Variants in PCDHGB5 observed in about 807,000 individuals in gnomAD.
PCDHGB5 encodes protocadherin gamma-B5.
A neutral mutation model predicts 62.9 loss-of-function variants in PCDHGB5; 48 were observed. The ratio of observed to expected loss-of-function variants is 0.76; its 90% CI spans 0.61 to 0.97. The LOEUF (loss-of-function observed/expected upper bound fraction) is 0.97, where lower values mean the gene tolerates loss of function less well. Among genes scored for constraint, PCDHGB5 ranks in the 50% least tolerant of loss-of-function variants. The pLI is 0.00. For missense variants in PCDHGB5, 1,118 were observed against 1,198.6 expected (o/e 0.93, Z 0.99); for synonymous variants, 474 against 511.2 (o/e 0.93, Z 0.98).
At chr5:141,419,170 C>T (rs758796140) in intron 1 of PCDHGB5, 4 of 1,613,966 alleles carry the variant, frequency 2.5e-6, no homozygotes, top group Non-Finnish European at 3.4e-6. Context: ...CCAGCAAAAC[C>T]ATAACCCTGC....
intron 1 of PCDHGB5, chr5:141,409,804 C>T (rs766279863): frequency 6.2e-7 from 1 of 1,611,772 alleles, no homozygotes; most frequent in South Asian, 1.1e-5. Context: ...CGCTGCAGGC[C>T]CGCGACCACG....
intron 1 of PCDHGB5, chr5:141,404,498 G>A (rs1237860716): frequency 6.2e-7 from 1 of 1,613,878 alleles, no homozygotes; most frequent in East Asian, 2.2e-5. Context: ...TGTGCTGTAT[G>A]CTCTGTGCTC....
rs1185020546 is a variant in PCDHGB5, at chr5:141,485,472, C to A, written c.2398-9335C>A. 3 of 1,614,138 alleles carry A rather than the reference C, an allele frequency of 1.9e-6. No homozygotes were observed. Among genetic ancestry groups the A allele is most frequent in the Non-Finnish European group, 2.5e-6 (3 of 1,180,022 alleles). On this transcript the variant is annotated intron_variant, in intron 1 of 3. Transcript: ENST00000617380. The surrounding 1 kb of genome is among the most constrained non-coding windows in gnomAD (Gnocchi z 5.7). The stretch of plus-strand genomic sequence containing the variant: ...CGAGAGGCACTGTGTGGGCTCAGTG[C>A]CAGCTGCATCGTGCCCCTGGAGTTT...
Position 141,490,440 on chromosome 5 carries a change from T to G in PCDHGB5, c.2398-4367T>G, listed in dbSNP as rs560525159. The G allele has an allele frequency of 6.2e-7, 1 of 1,614,206 alleles. No individual in the cohort carries two copies. The highest frequency in any genetic ancestry group is 1.7e-5 in the Admixed American group (1 of 60,026). On this transcript the variant is annotated intron_variant, in intron 1 of 3. Transcript: ENST00000617380. This position sits in a 1 kb window ranked among gnomAD's most constrained non-coding sequence, Gnocchi z 5.4. ...ACCTGCCATTTCAGATTAAGCCTTCTGAGAACCACTACTCGCTGCTAACCA... is the reference window on the plus strand; with the variant it reads ...ACCTGCCATTTCAGATTAAGCCTTCGGAGAACCACTACTCGCTGCTAACCA...
At chr5:141,404,811 G>A (rs2094571358) in intron 1 of PCDHGB5, 1 of 1,606,238 alleles carries the variant, frequency 6.2e-7, no homozygotes, top group African/African-American at 1.4e-5. Flanking sequence ...TTCTCGGTGG[G>A]GCTGCACACA....
chr5:141,510,223 G>C (rs944276162), intron 3 of PCDHGB5, among the ~76,000 whole-genome samples: 1 of 151,302 alleles, frequency 6.6e-6, no homozygotes, highest in African/African-American at 2.4e-5. Context: ...CAGTGAGCCG[G>C]GATCGCGCCA....
At chr5:141,423,119 G>T (rs769320490) in intron 1 of PCDHGB5, 2 of 1,613,774 alleles carry the variant, frequency 1.2e-6, no homozygotes, top group Non-Finnish European at 1.7e-6. Context: ...CGTACAGCGC[G>T]GGCACTGCTG....
intron 1 of PCDHGB5, chr5:141,417,843 G>C: frequency 6.5e-7 from 1 of 1,539,250 alleles, no homozygotes; most frequent in Non-Finnish European, 8.8e-7. Context: ...GGGACCCAGC[G>C]AGAACCCGAG....
rs2097383894 is a variant in PCDHGB5, at chr5:141,431,489, C to T, written c.2397+30965C>T. On this transcript the variant is annotated intron_variant, in intron 1 of 3. Transcript: ENST00000617380. This position sits in a 1 kb window ranked among gnomAD's most constrained non-coding sequence, Gnocchi z 4.8. ...GAACGACAACGCACCAGCGTTTGCTCAGCCCGAGTACCGCGCGAGCGTTCC... is the reference window on the plus strand; with the variant it reads ...GAACGACAACGCACCAGCGTTTGCTTAGCCCGAGTACCGCGCGAGCGTTCC... The T allele has an allele frequency of 1.2e-6, 2 of 1,613,850 alleles. No homozygotes were observed. The highest frequency in any genetic ancestry group is 3.3e-5 in the Admixed American group (2 of 60,016).
At chr5:141,414,802 G>C (rs201378410) in intron 1 of PCDHGB5, 3 of 1,614,108 alleles carry the variant, frequency 1.9e-6, no homozygotes, top group Admixed American at 3.3e-5. Flanking sequence ...CGACAGCGGG[G>C]ATCCTCCACT....
At chr5:141,459,930 T>C (rs1385764489) in intron 1 of PCDHGB5, among the ~76,000 whole-genome samples, 1 of 152,176 alleles carries the variant, frequency 6.6e-6, no homozygotes, top group East Asian at 1.9e-4. Context: ...TATATCCTTG[T>C]AGCTGGGCGT....
chr5:141,488,186 G>T (rs1005725656), intron 1 of PCDHGB5, among the ~76,000 whole-genome samples: 2 of 152,180 alleles, frequency 1.3e-5, no homozygotes, highest in South Asian at 2.1e-4. Context: ...AGATCTTTTG[G>T]TCTGGGTCTT....
intron 1 of PCDHGB5, among the ~76,000 whole-genome samples, chr5:141,434,630 A>G (rs2097706465): frequency 6.6e-6 from 1 of 152,106 alleles, no homozygotes; most frequent in African/African-American, 2.4e-5. Flanking sequence ...CGTTTCCCAT[A>G]AGGGATACTT....
At chr5:141,418,308 T>G in intron 1 of PCDHGB5, 6 of 1,613,946 alleles carry the variant, frequency 3.7e-6, no homozygotes, top group Non-Finnish European at 5.1e-6. Flanking sequence ...AGCCTGGGGA[T>G]GGGAACAATT....
At position 141,477,795 on chromosome 5, in the gene PCDHGB5, G is replaced by T. The variant is rs778851755; in HGVS notation, c.2398-17012G>T. The T allele has an allele frequency of 1.2e-5, 19 of 1,613,946 alleles. 1 individual carries two copies. In the South Asian group the frequency reaches 1.6e-4, roughly 14 times the overall value. On this transcript the variant is annotated intron_variant, in intron 1 of 3. Transcript: ENST00000617380. The surrounding 1 kb of genome is among the most constrained non-coding windows in gnomAD (Gnocchi z 4.9). ...AGCGTGAACATATTTGTCACTGATC[G>T]CAATGACAATGCCCCCCAGGTCCTA...
In PCDHGB5 at chr5:141,410,525, T is replaced by G. The variant is rs6891442; in HGVS notation, c.2397+10001T>G. The G allele has an allele frequency of 1.9e-3, 3,112 of 1,613,920 alleles. 62 individuals are homozygous for G. In the African/African-American group the frequency reaches 0.034, roughly 18 times the overall value. On this transcript the variant is annotated intron_variant, in intron 1 of 3. Transcript: ENST00000617380. ...CCTAAAATGCAGTGTGCCCCTACAT[T>G]CCAATGAAGACATGGTTTGCAGTGT...
intron 3 of PCDHGB5, among the ~76,000 whole-genome samples, chr5:141,507,784 T>C (rs2099863290): frequency 6.6e-6 from 1 of 152,136 alleles, no homozygotes; most frequent in Non-Finnish European, 1.5e-5. Context: ...GGCCTGACCC[T>C]CGTCTAAGCC....
intron 1 of PCDHGB5, among the ~76,000 whole-genome samples, chr5:141,439,221 T>G (rs145700274): frequency 1.2e-3 from 182 of 151,852 alleles, no homozygotes; most frequent in African/African-American, 4.3e-3. Flanking sequence ...ATGTGAAAAT[T>G]CTTAGAAGCT....
At chr5:141,443,442 C>T (rs571341362) in intron 1 of PCDHGB5, among the ~76,000 whole-genome samples, 9 of 152,202 alleles carry the variant, frequency 5.9e-5, no homozygotes, top group East Asian at 1.9e-4. Context: ...GCTGTGGTTG[C>T]GCTCCTGTAC....
Sources: allele counts gnomAD v4.1 joint callset (sites outside exome capture counted in the v4.1 genomes callset), GRCh38; gene constraint gnomAD v4.1.1; non-coding constraint Gnocchi (gnomAD v3.1); transcripts MANE v1.5; gene names NCBI Gene and HGNC (gene_info 2026-07-23, HGNC 2026-07-21).